Variants in BRD7 observed in about 807,000 individuals in gnomAD.
BRD7 encodes the protein bromodomain containing 7.
A neutral mutation model predicts 82.1 loss-of-function variants in BRD7; 15 were observed. That is an observed-to-expected ratio of 0.18 (90% confidence interval 0.12 to 0.28). The LOEUF is 0.28. BRD7 is among the 10% of genes least tolerant of loss of function. The pLI is 1.00. For synonymous variants in BRD7, 232 were observed against 266.9 expected, an observed-to-expected ratio of 0.87 and a Z score of 1.27; for missense variants, 638 against 779.9, an observed-to-expected ratio of 0.82 and a Z score of 2.17.
chr16:50,345,450 T>C (rs1214783689), intron 5 of BRD7, among the ~76,000 whole-genome samples: 385 of 142,592 alleles, frequency 2.7e-3, no homozygotes, highest in African/African-American at 5.2e-3. Context: ...GGCTAAATGC[T>C]CCAATTAAAA....
intron 6 of BRD7, 105 bp downstream of exon 6, chr16:50,339,871 G>A: frequency 2.1e-6 from 1 of 466,952 alleles, no homozygotes; most frequent in South Asian, 5.7e-5. Flanking sequence ...AATATAACCT[G>A]CTAATAAAAT....
intron 13 of BRD7, among the ~76,000 whole-genome samples, chr16:50,321,277 T>C (rs1361850769): frequency 3.9e-5 from 6 of 151,934 alleles, no homozygotes; most frequent in Non-Finnish European, 8.8e-5. Flanking sequence ...AAGGATGGAG[T>C]TGGCCTGGCG....
In BRD7 at chr16:50,354,468, G is replaced by A. The variant is rs769715857; in HGVS notation, c.403C>T (p.Pro135Ser). 6.2e-7 allele frequency: 1 copy of A among 1,611,806 alleles called. No homozygotes were observed. Among genetic ancestry groups the A allele is most frequent in the Non-Finnish European group, 8.5e-7 (1 of 1,179,154 alleles). The change falls in exon 4 of 17, where the codon CCC becomes TCC. Residue 135 changes from proline to serine, a missense_variant. This residue lies in a region of BRD7 where 64 missense variants were observed against 123.8 expected (regional missense o/e 0.52). Coordinates refer to ENST00000394688, the MANE Select transcript of BRD7 (RefSeq NM_013263.5). ...AGTTGATTCAAAGCTTCTTGAAGGG[G>A]TGTCTGTTCTACTTCTAAAGCAAAG... ...LAKQEEVEQT[P>S]LQEALNQLMR... is the part of the protein sequence containing the mutation.
chr16:50,325,861 G>A lies in BRD7; in HGVS notation c.1218C>T (p.Pro406=). The A allele has an allele frequency of 1.9e-6, 3 of 1,602,776 alleles. No individual in the cohort carries two copies. The highest frequency in any genetic ancestry group is 1.7e-6 in the Non-Finnish European group (2 of 1,177,294). ...VTPVLYLNYG[P]YSSYAPHYDS... is the part of the protein sequence containing the mutation. Reference sequence around the variant, plus strand: ...CATAATGCGGTGCATAAGAACTGTAGGGCCCATAATTCAAATATAACACTG... The same window carrying A: ...CATAATGCGGTGCATAAGAACTGTAAGGCCCATAATTCAAATATAACACTG... Residue 406 remains proline (P), a synonymous_variant, in exon 11 of 17, where the codon CCC becomes CCT. Coordinates refer to ENST00000394688, the MANE Select transcript of BRD7 (RefSeq NM_013263.5).
At position 50,319,850 on chromosome 16, in the gene BRD7, T is replaced by C. The variant is rs756191496; in HGVS notation, c.1900+37A>G. On this transcript the variant is annotated intron_variant, in intron 16 of 16. Coordinates refer to ENST00000394688, the MANE Select transcript of BRD7 (RefSeq NM_013263.5). ...CACTGAGGGATGACTATAGTCACCATAGCTTTCTGCTTTCCCAGAGAAAAC... is the reference window on the plus strand; with the variant it reads ...CACTGAGGGATGACTATAGTCACCACAGCTTTCTGCTTTCCCAGAGAAAAC... 9 of 1,602,384 alleles carry C rather than the reference T, an allele frequency of 5.6e-6. No homozygotes were observed. In the East Asian group the frequency reaches 6.7e-5, roughly 12 times the overall value.
intron 5 of BRD7, chr16:50,349,373 T>C (rs940905586): frequency 8.9e-6 from 3 of 338,566 alleles, no homozygotes; most frequent in African/African-American, 2.2e-5. Context: ...TGTGCACATG[T>C]ACCCTAGAAC....
At chr16:50,363,189 TCA>T (rs2038995712) in intron 2 of BRD7, among the ~76,000 whole-genome samples, 1 of 152,256 alleles carries the variant, frequency 6.6e-6, no homozygotes, top group Non-Finnish European at 1.5e-5. Context: ...ATTAACAGCC[TCA>T]CAGAATTTTA....
intron 12 of BRD7, among the ~76,000 whole-genome samples, chr16:50,323,189 C>G (rs1005101928): frequency 3.9e-5 from 6 of 152,198 alleles, no homozygotes; most frequent in Non-Finnish European, 7.3e-5. Flanking sequence ...AAGCTTTTTA[C>G]TTTTTAACTT....
At chr16:50,356,469 G>C (rs1186351694) in intron 2 of BRD7, among the ~76,000 whole-genome samples, 1 of 152,168 alleles carries the variant, frequency 6.6e-6, no homozygotes, top group African/African-American at 2.4e-5. Flanking sequence ...AAATTGTATT[G>C]TATCAACATG....
chr16:50,338,440 C>T (rs750275430), intron 6 of BRD7, among the ~76,000 whole-genome samples: 56 of 152,322 alleles, frequency 3.7e-4, no homozygotes, highest in Admixed American at 2.0e-4. Flanking sequence ...CAGACATCTG[C>T]ACACCAAGGC....
chr16:50,325,184 G>A (rs148022882), intron 11 of BRD7, among the ~76,000 whole-genome samples: 6 of 152,314 alleles, frequency 3.9e-5, no homozygotes, highest in Middle Eastern at 3.4e-3. Flanking sequence ...ATCTCATTAT[G>A]TTGATGGGAT....
intron 2 of BRD7, among the ~76,000 whole-genome samples, chr16:50,362,956 C>T (rs1243707888): frequency 6.6e-6 from 1 of 152,202 alleles, no homozygotes; most frequent in Admixed American, 6.5e-5. Flanking sequence ...AGAGACAGAA[C>T]ACCAGTCTCA....
intron 2 of BRD7, among the ~76,000 whole-genome samples, chr16:50,364,097 G>T (rs928896256): frequency 6.6e-6 from 1 of 151,512 alleles, no homozygotes; most frequent in African/African-American, 2.4e-5. Context: ...AACATTTTCC[G>T]GTCTCCCTAT....
At chr16:50,368,460 C>T in intron 1 of BRD7, 162 bp from the exon 2 acceptor site, 1 of 853,802 alleles carries the variant, frequency 1.2e-6, no homozygotes, top group South Asian at 1.8e-5. Context: ...GGGGGTGCGG[C>T]GGCGCCGCCC....
chr16:50,368,861 G>T lies in BRD7; in HGVS notation c.-87C>A, dbSNP rs2039266353. 4 of 975,902 alleles carry T rather than the reference G, an allele frequency of 4.1e-6. No homozygotes were observed. Among genetic ancestry groups the T allele is most frequent in the Non-Finnish European group, 3.8e-6 (3 of 789,758 alleles). 60.5% of individuals were successfully genotyped at this position (975,902 alleles called of 1,614,324 possible). On this transcript the variant is annotated 5_prime_UTR_variant, in exon 1 of 17. Coordinates refer to ENST00000394688, the MANE Select transcript of BRD7 (RefSeq NM_013263.5). ...GGTCCGGGCCAGGCGAGCGGAGGGC[G>T]GGAGCGGGGCCCGCGAGACCCCGCG... is the stretch of plus-strand genomic sequence containing the variant.
chr16:50,368,708 C>T lies in BRD7; in HGVS notation c.49+18G>A, dbSNP rs1420991118. On this transcript the variant is annotated intron_variant, in intron 1 of 16. Coordinates refer to ENST00000394688, the MANE Select transcript of BRD7 (RefSeq NM_013263.5). ...AGCCGCCGAGGGCCCGCCGCCCGCA[C>T]CCCGGCCCCCTCCTCACCCTCGTAG... 4.5e-6 allele frequency: 7 copies of T among 1,554,386 alleles called. No homozygotes were observed. Among genetic ancestry groups the T allele is most frequent in the South Asian group, 1.2e-5 (1 of 86,794 alleles).
intron 6 of BRD7, among the ~76,000 whole-genome samples, chr16:50,339,412 A>T (rs2037952555): frequency 1.3e-5 from 2 of 152,234 alleles, no homozygotes; most frequent in Admixed American, 1.3e-4. Context: ...AGGAACCTAT[A>T]CAGCATGTTA....
chr16:50,338,664 A>G (rs1398520407), intron 6 of BRD7, among the ~76,000 whole-genome samples: 1 of 152,076 alleles, frequency 6.6e-6, no homozygotes, highest in Non-Finnish European at 1.5e-5. Flanking sequence ...GTTCTTTTTC[A>G]TAGTATCCTC....
Position 50,319,181 on chromosome 16 carries a change from A to G in BRD7, c.*30T>C. On this transcript the variant is annotated 3_prime_UTR_variant, in exon 17 of 17. Transcript: ENST00000394688. ...CTAAGTTAAGAATGAAAAAGTATGT[A>G]CATAATATATAATCAAATACCAGGC... The G allele has an allele frequency of 2.6e-6, 4 of 1,544,474 alleles. No individual in the cohort carries two copies. Among genetic ancestry groups the G allele is most frequent in the Non-Finnish European group, 3.6e-6 (4 of 1,122,152 alleles).
Sources: gnomAD v4.1 joint callset for allele counts (sites outside exome capture counted in the v4.1 genomes callset) on GRCh38, gnomAD v4.1.1 for gene constraint, gnomAD v4.1.1 regional missense constraint, MANE v1.5 for transcripts, NCBI Gene and HGNC (gene_info 2026-07-23, HGNC 2026-07-21) for gene names.